ATXN1: variants seen among roughly 807,000 people sequenced by gnomAD.
The protein encoded by ATXN1 is ataxin-1.
A neutral mutation model predicts 56.4 loss-of-function variants in ATXN1; 8 were observed. The ratio of observed to expected loss-of-function variants is 0.14; its 90% CI spans 0.08 to 0.26. The LOEUF is 0.26. Ranked by LOEUF, ATXN1 falls within the 10% of genes least tolerant of loss-of-function variation. ATXN1 has a pLI of 1.00. For missense variants in ATXN1, 987 were observed against 1,106.5 expected, an observed-to-expected ratio of 0.89 and a Z score of 1.53; for synonymous variants, 514 against 494.6, an observed-to-expected ratio of 1.04 and a Z score of -0.52.
intron 6 of ATXN1, among the ~76,000 whole-genome samples, chr6:16,372,535 T>A (rs1442843118): frequency 1.3e-5 from 2 of 152,162 alleles, no homozygotes; most frequent in African/African-American, 4.8e-5. Flanking sequence ...TGGTTGGCAA[T>A]AACTGTCATT....
intron 3 of ATXN1, among the ~76,000 whole-genome samples, chr6:16,617,003 T>C (rs1275656924): frequency 1.3e-5 from 2 of 152,136 alleles, no homozygotes; most frequent in African/African-American, 2.4e-5. Flanking sequence ...AATTTATACA[T>C]TGAATTTTAT....
chr6:16,347,140 T>C (rs1036489375), intron 6 of ATXN1, among the ~76,000 whole-genome samples: 2 of 152,236 alleles, frequency 1.3e-5, no homozygotes, highest in African/African-American at 4.8e-5. Flanking sequence ...CGTGGGCTCC[T>C]GTGCAGCCAG....
chr6:16,589,934 T>C (rs1762693064), intron 3 of ATXN1, among the ~76,000 whole-genome samples: 1 of 152,236 alleles, frequency 6.6e-6, no homozygotes, highest in African/African-American at 2.4e-5. Context: ...CTGTGATATA[T>C]GTGTGAAGGA....
At chr6:16,429,670 G>A (rs979283975) in intron 6 of ATXN1, among the ~76,000 whole-genome samples, 7 of 152,076 alleles carry the variant, frequency 4.6e-5, no homozygotes, top group Admixed American at 3.3e-4. Context: ...CACCCATCTC[G>A]GCCTCCCAAA....
At chr6:16,670,057 C>T (rs1355487907) in intron 2 of ATXN1, among the ~76,000 whole-genome samples, 2 of 152,124 alleles carry the variant, frequency 1.3e-5, no homozygotes, top group African/African-American at 4.8e-5. Context: ...CTGGTCACTT[C>T]TGTGGGTCCA....
intron 4 of ATXN1, among the ~76,000 whole-genome samples, chr6:16,579,492 C>CCT (rs1561764546): frequency 2.4e-5 from 1 of 42,488 alleles, no homozygotes; most frequent in Non-Finnish European, 5.3e-5. Context: ...CCCCCCCCCC[C>CCT]ACCCGCCGAT....
intron 6 of ATXN1, among the ~76,000 whole-genome samples, chr6:16,429,473 A>T (rs749816348): frequency 3.2e-4 from 43 of 133,656 alleles, no homozygotes; most frequent in Non-Finnish European, 5.8e-4. Context: ...GCTGGAGTGC[A>T]GTGGTACGAT....
At chr6:16,671,630 CTA>C (rs2113382801) in intron 2 of ATXN1, among the ~76,000 whole-genome samples, 1 of 152,274 alleles carries the variant, frequency 6.6e-6, no homozygotes, top group South Asian at 2.1e-4. Flanking sequence ...CTCACAGAGT[CTA>C]TTAACATTCC....
intron 2 of ATXN1, among the ~76,000 whole-genome samples, chr6:16,662,578 C>G (rs947339066): frequency 1.3e-5 from 2 of 152,226 alleles, no homozygotes; most frequent in Admixed American, 1.3e-4. Flanking sequence ...AGGTGATCTG[C>G]TGGTCTCGGC....
At chr6:16,522,043 T>G (rs1761303633) in intron 5 of ATXN1, among the ~76,000 whole-genome samples, 1 of 152,122 alleles carries the variant, frequency 6.6e-6, no homozygotes, top group Non-Finnish European at 1.5e-5. Flanking sequence ...ATCTGCAGAT[T>G]CCAAAACCAG....
chr6:16,735,341 C>T (rs581812), intron 2 of ATXN1, among the ~76,000 whole-genome samples: 30,012 of 152,212 alleles, frequency 0.2, 3,581 homozygotes, highest in Non-Finnish European at 0.27. Context: ...GTGGGCTTTT[C>T]TGAGTGTGTA....
At chr6:16,755,045 T>C (rs1021949039) in intron 1 of ATXN1, among the ~76,000 whole-genome samples, 1 of 152,184 alleles carries the variant, frequency 6.6e-6, no homozygotes, top group African/African-American at 2.4e-5. Flanking sequence ...TGGGAGAGTG[T>C]TTGCCTATAT....
chr6:16,526,267 A>G (rs1352483012), intron 4 of ATXN1, among the ~76,000 whole-genome samples: 1 of 152,120 alleles, frequency 6.6e-6, no homozygotes, highest in Non-Finnish European at 1.5e-5. Context: ...AGAGTCTACC[A>G]AAGTGTCCCA....
chr6:16,663,929 A>G (rs1370404961), intron 2 of ATXN1, among the ~76,000 whole-genome samples: 1 of 152,222 alleles, frequency 6.6e-6, no homozygotes, highest in Non-Finnish European at 1.5e-5. Flanking sequence ...ACTGGAAAGA[A>G]AGAATCATAA....
At chr6:16,433,644 C>T (rs1041369906) in intron 6 of ATXN1, among the ~76,000 whole-genome samples, 10 of 152,224 alleles carry the variant, frequency 6.6e-5, no homozygotes, top group Non-Finnish European at 1.2e-4. Context: ...CAGCTCCTTA[C>T]TGTCAAATAC....
chr6:16,364,611 A>G (rs1296401859), intron 6 of ATXN1, among the ~76,000 whole-genome samples: 2 of 152,104 alleles, frequency 1.3e-5, no homozygotes, highest in African/African-American at 4.8e-5. Context: ...CCAGTTCTAG[A>G]TATTTTGAGG....
chr6:16,448,382 G>A (rs911840713), intron 6 of ATXN1, among the ~76,000 whole-genome samples: 3 of 152,130 alleles, frequency 2.0e-5, no homozygotes, highest in African/African-American at 7.2e-5. Flanking sequence ...ATTCATCACA[G>A]CTGATGTTAC....
chr6:16,614,492 A>G (rs955529389), intron 3 of ATXN1, among the ~76,000 whole-genome samples: 1 of 151,816 alleles, frequency 6.6e-6, no homozygotes, highest in Non-Finnish European at 1.5e-5. Flanking sequence ...CAAAGCGGCC[A>G]AAAAGGTTTT....
chr6:16,564,071 T>G (rs915630136), intron 4 of ATXN1, among the ~76,000 whole-genome samples: 1 of 152,180 alleles, frequency 6.6e-6, no homozygotes, highest in African/African-American at 2.4e-5. Flanking sequence ...CTCTTCTACC[T>G]TTTCAGCTGA....
Sources: gnomAD v4.1 joint callset for allele counts (sites outside exome capture counted in the v4.1 genomes callset) on GRCh38, gnomAD v4.1.1 for gene constraint, MANE v1.5 for transcripts, NCBI Gene and HGNC (gene_info 2026-07-23, HGNC 2026-07-21) for gene names.